FHIT: variants seen among roughly 807,000 people sequenced by gnomAD.
FHIT encodes the protein bis(5'-adenosyl)-triphosphatase.
A neutral mutation model predicts 17.9 loss-of-function variants in FHIT; 19 were observed. The ratio of observed to expected loss-of-function variants is 1.06; its 90% confidence interval spans 0.74 to 1.56. FHIT has a LOEUF of 1.56. FHIT is among the 40% of genes most tolerant of loss of function. FHIT has a pLI of 0.00. For synonymous variants in FHIT, 81 were observed against 69.7 expected (o/e 1.16, Z -0.81); for missense variants, 248 against 189.2 (o/e 1.31, Z -1.82).
At chr3:61,211,055 T>C (rs970269167) in intron 1 of FHIT, among the ~76,000 whole-genome samples, 3 of 151,956 alleles carry the variant, frequency 2.0e-5, no homozygotes, top group African/African-American at 7.2e-5. Flanking sequence ...AGCTCCGGTC[T>C]ACAGCTCCCA....
chr3:60,951,914 C>T (rs2107460760), intron 3 of FHIT, among the ~76,000 whole-genome samples: 2 of 152,236 alleles, frequency 1.3e-5, no homozygotes, highest in East Asian at 3.9e-4. Context: ...GCCTGGAGTC[C>T]CAGCACTTTG....
chr3:60,041,036 A>T (rs535440592), intron 5 of FHIT, among the ~76,000 whole-genome samples: 2 of 152,270 alleles, frequency 1.3e-5, no homozygotes, highest in Non-Finnish European at 2.9e-5. Flanking sequence ...TATCCAAAAC[A>T]TCTCTCTGAA....
At chr3:60,428,446 C>A (rs1039315139) in intron 5 of FHIT, among the ~76,000 whole-genome samples, 1 of 152,140 alleles carries the variant, frequency 6.6e-6, no homozygotes, top group Non-Finnish European at 1.5e-5. Flanking sequence ...TCAGGGTAAA[C>A]TGAATCAATG....
intron 2 of FHIT, among the ~76,000 whole-genome samples, chr3:61,113,391 T>A (rs1320018472): frequency 2.6e-5 from 4 of 152,190 alleles, no homozygotes; most frequent in Non-Finnish European, 5.9e-5. Flanking sequence ...TAGAGTTATA[T>A]TATACAATAT....
intron 4 of FHIT, among the ~76,000 whole-genome samples, chr3:60,658,156 C>G (rs2040160330): frequency 6.6e-6 from 1 of 152,078 alleles, no homozygotes; most frequent in African/African-American, 2.4e-5. Flanking sequence ...TTTGAATACT[C>G]AAAGCACCAC....
intron 4 of FHIT, among the ~76,000 whole-genome samples, chr3:60,747,756 T>TA (rs1475723269): frequency 6.6e-6 from 1 of 152,196 alleles, no homozygotes; most frequent in Admixed American, 6.5e-5. Context: ...AACAACCCTG[T>TA]AACTTGATAA....
At chr3:59,817,862 A>G (rs1357933638) in intron 8 of FHIT, among the ~76,000 whole-genome samples, 3 of 152,168 alleles carry the variant, frequency 2.0e-5, no homozygotes, top group Non-Finnish European at 4.4e-5. Flanking sequence ...TCAGAGATCC[A>G]CTAGCTGTTT....
intron 4 of FHIT, among the ~76,000 whole-genome samples, chr3:60,693,691 C>T (rs1265800733): frequency 6.6e-5 from 10 of 152,226 alleles, no homozygotes; most frequent in Non-Finnish European, 1.5e-4. Context: ...CAGTACTCTT[C>T]ACTTGACCTC....
chr3:60,994,951 T>C (rs1260052259), intron 3 of FHIT, among the ~76,000 whole-genome samples: 3 of 152,222 alleles, frequency 2.0e-5, no homozygotes, highest in African/African-American at 7.2e-5. Flanking sequence ...TCCAGCTTTT[T>C]AAATGTTTAG....
At chr3:59,892,196 G>A (rs1575652485) in intron 8 of FHIT, among the ~76,000 whole-genome samples, 1 of 152,198 alleles carries the variant, frequency 6.6e-6, no homozygotes, top group South Asian at 2.1e-4. Flanking sequence ...GAGGGACATA[G>A]CTGGTCAAAC....
intron 3 of FHIT, among the ~76,000 whole-genome samples, chr3:60,856,944 T>A (rs925164792): frequency 2.0e-5 from 3 of 152,270 alleles, no homozygotes; most frequent in East Asian, 1.9e-4. Flanking sequence ...TCCACAACCA[T>A]GCCCCACTCC....
intron 4 of FHIT, among the ~76,000 whole-genome samples, chr3:60,626,401 T>C (rs2039286948): frequency 1.3e-5 from 2 of 152,112 alleles, no homozygotes; most frequent in Non-Finnish European, 2.9e-5. Flanking sequence ...ATTTCAAATA[T>C]ACATAAATTC....
chr3:60,038,284 T>C (rs144817693), intron 5 of FHIT, among the ~76,000 whole-genome samples: 65 of 152,324 alleles, frequency 4.3e-4, no homozygotes, highest in African/African-American at 1.5e-3. Flanking sequence ...TTCAACAGAC[T>C]ATAGTGGGAA....
At chr3:60,298,691 A>T (rs1300528504) in intron 5 of FHIT, among the ~76,000 whole-genome samples, 1 of 152,138 alleles carries the variant, frequency 6.6e-6, no homozygotes, top group Non-Finnish European at 1.5e-5. Flanking sequence ...ATTTCACCAC[A>T]TGCTTTTTCT....
chr3:60,015,741 G>A (rs78206668), intron 5 of FHIT, among the ~76,000 whole-genome samples: 15,986 of 152,178 alleles, frequency 0.11, 1,272 homozygotes, highest in East Asian at 0.31. Context: ...CTCGGTGGGG[G>A]AGGAAGACAT....
At chr3:59,924,234 A>C (rs1388818054) in intron 7 of FHIT, among the ~76,000 whole-genome samples, 1 of 152,102 alleles carries the variant, frequency 6.6e-6, no homozygotes, top group Non-Finnish European at 1.5e-5. Flanking sequence ...CTCACTCTTT[A>C]ATTCCAGAAT....
intron 5 of FHIT, among the ~76,000 whole-genome samples, chr3:60,402,712 T>C (rs148384931): frequency 6.6e-5 from 10 of 152,300 alleles, no homozygotes; most frequent in African/African-American, 2.4e-4. Context: ...CTAGCACTCA[T>C]CTGGACTATT....
intron 8 of FHIT, among the ~76,000 whole-genome samples, chr3:59,895,150 T>C (rs1171734785): frequency 1.3e-5 from 2 of 152,200 alleles, no homozygotes; most frequent in Non-Finnish European, 2.9e-5. Context: ...CTATGCATAC[T>C]CTCACTCCCC....
At chr3:59,945,999 G>A (rs2107286590) in intron 7 of FHIT, among the ~76,000 whole-genome samples, 1 of 152,208 alleles carries the variant, frequency 6.6e-6, no homozygotes, top group East Asian at 1.9e-4. Context: ...GGACTGCTTT[G>A]GCTATTCTGG....
Sources: allele counts gnomAD v4.1 joint callset (sites outside exome capture counted in the v4.1 genomes callset), GRCh38; gene constraint gnomAD v4.1.1; transcripts MANE v1.5; gene names NCBI Gene and HGNC (gene_info 2026-07-23, HGNC 2026-07-21).